The following ZER1 variants were observed in gnomAD, a reference collection of about 807,000 sequenced individuals.
ZER1 encodes protein zer-1 homolog.
A neutral mutation model predicts 78.8 loss-of-function variants in ZER1; 11 were observed. That is an observed-to-expected ratio of 0.14 (90% CI 0.09 to 0.23). The LOEUF (loss-of-function observed/expected upper bound fraction) is 0.23. Among genes scored for constraint, ZER1 ranks in the 10% least tolerant of loss-of-function variants. The pLI, the probability that ZER1 is intolerant of heterozygous loss-of-function variation, is 1.00. For missense variants in ZER1, 588 were observed against 996.9 expected, an observed-to-expected ratio of 0.59 and a Z score of 5.52; for synonymous variants, 400 against 407.0, an observed-to-expected ratio of 0.98 and a Z score of 0.21.
rs982330316 is a variant in ZER1, at chr9:128,753,715, C to T, written c.309+94G>A. ...GGGGGATGTGCACAGTCACGGTGCA[C>T]ACTGGCTGGGCTGGGGATGGCTGGG... is the stretch of plus-strand genomic sequence containing the variant. On this transcript the variant is annotated intron_variant, in intron 3 of 15. Coordinates refer to ENST00000291900, the MANE Select transcript of ZER1 (RefSeq NM_006336.4). The surrounding 1 kb of genome is among the most constrained non-coding windows in gnomAD (Gnocchi z 7.5). The T allele has an allele frequency of 3.2e-6, 5 of 1,559,942 alleles. No individual in the cohort carries two copies. The highest frequency in any genetic ancestry group is 1.9e-5 in the Admixed American group (1 of 53,800).
intron 14 of ZER1, among the ~76,000 whole-genome samples, chr9:128,734,046 T>C: frequency 9.4e-6 from 1 of 106,268 alleles, no homozygotes; most frequent in Non-Finnish European, 1.9e-5. Context: ...GAGAATGGCG[T>C]GAACCCGGGA....
chr9:128,760,816 A>C (rs1864017841), intron 1 of ZER1, among the ~76,000 whole-genome samples: 1 of 150,634 alleles, frequency 6.6e-6, no homozygotes, highest in Admixed American at 6.7e-5. Flanking sequence ...CCGTTTAAAA[A>C]AAAAAAAAGT....
intron 1 of ZER1, among the ~76,000 whole-genome samples, chr9:128,765,864 GA>G (rs1231437004): frequency 6.6e-6 from 1 of 152,228 alleles, no homozygotes; most frequent in East Asian, 1.9e-4. Flanking sequence ...TTAAATCTAT[GA>G]GTTGGGTTAT....
chr9:128,737,130 C>T (rs528595262), intron 13 of ZER1, among the ~76,000 whole-genome samples: 13 of 151,822 alleles, frequency 8.6e-5, no homozygotes, highest in African/African-American at 2.9e-4. Flanking sequence ...GGTGACAGTG[C>T]GAGACTCCGT....
intron 13 of ZER1, among the ~76,000 whole-genome samples, chr9:128,736,787 C>T (rs1420547146): frequency 6.6e-6 from 1 of 151,730 alleles, no homozygotes; most frequent in Non-Finnish European, 1.5e-5. Context: ...GTGTTCCTCC[C>T]ACCTCAGCCT....
chr9:128,733,537 T>C lies in ZER1; in HGVS notation c.2141-9A>G. On this transcript the variant is annotated splice_polypyrimidine_tract_variant and intron_variant, in intron 14 of 15. Transcript: ENST00000291900. ...AGGGCAGTACTTGTCCGCTGTGGGA[T>C]AGGAGCAGACAGCAGAGGATCAGGA... 1.9e-6 allele frequency: 3 copies of C among 1,611,202 alleles called. No homozygotes were observed. The highest frequency in any genetic ancestry group is 1.1e-5 in the South Asian group (1 of 90,506).
chr9:128,748,365 T>G (rs1242603246), intron 8 of ZER1, among the ~76,000 whole-genome samples: 21 of 147,796 alleles, frequency 1.4e-4, no homozygotes, highest in African/African-American at 5.3e-4. Context: ...TCGTGCCACT[T>G]AACTCCAGCC....
At chr9:128,738,053 AT>A in intron 13 of ZER1, among the ~76,000 whole-genome samples, 1 of 126,836 alleles carries the variant, frequency 7.9e-6, no homozygotes, top group Middle Eastern at 5.7e-3. Context: ...ATTTTTATTT[AT>A]TTATTTTTGA....
At chr9:128,772,092 C>A (rs1011845545), upstream of ZER1, among the ~76,000 whole-genome samples, 3 of 145,696 alleles carry the variant, frequency 2.1e-5, no homozygotes, top group Non-Finnish European at 4.4e-5. Flanking sequence ...CGCGGGATGC[C>A]CCCCCCAGGC....
intron 13 of ZER1, among the ~76,000 whole-genome samples, chr9:128,737,909 G>A (rs565970404): frequency 2.0e-5 from 3 of 151,564 alleles, no homozygotes; most frequent in Non-Finnish European, 4.4e-5. Context: ...CACTGTGTTG[G>A]CCAGGCTGGT....
chr9:128,737,893 G>A (rs539764819), intron 13 of ZER1, among the ~76,000 whole-genome samples: 1 of 151,700 alleles, frequency 6.6e-6, no homozygotes, highest in Admixed American at 6.6e-5. Flanking sequence ...AGCAGAGATG[G>A]GGTTTCACTG....
At chr9:128,761,207 C>T (rs1253810414) in intron 1 of ZER1, among the ~76,000 whole-genome samples, 1 of 151,702 alleles carries the variant, frequency 6.6e-6, no homozygotes, top group East Asian at 1.9e-4. Context: ...CTTCACAGGG[C>T]TGTGGTACTA....
At chr9:128,772,105 C>T (rs1864407713), upstream of ZER1, among the ~76,000 whole-genome samples, 2 of 152,228 alleles carry the variant, frequency 1.3e-5, no homozygotes, top group Admixed American at 6.5e-5. Flanking sequence ...CCCCAGGCCA[C>T]CCGAGAGAAC....
In ZER1 at chr9:128,753,078, C is replaced by G; in HGVS notation, c.746+86G>C. On this transcript the variant is annotated intron_variant, in intron 4 of 15. Coordinates refer to ENST00000291900, the MANE Select transcript of ZER1 (RefSeq NM_006336.4). This position sits in a 1 kb window ranked among gnomAD's most constrained non-coding sequence, Gnocchi z 7.5. ...CTCTGCCTAGCCAAGCGCTCCTGAA[C>G]CCTGAGGGCGTGACAACACCCACCT... is the stretch of plus-strand genomic sequence containing the variant. 7.3e-7 allele frequency: 1 copy of G among 1,376,560 alleles called. No individual in the cohort carries two copies. The allele number at this position is 1,376,560 out of a possible 1,614,324, so 85.3% of individuals were successfully genotyped here. A position where few individuals can be genotyped will look rare whatever the true frequency, so the allele number is the denominator to read the frequency against.
At position 128,741,565 on chromosome 9, in the gene ZER1, G is replaced by A. The variant is rs372057778; in HGVS notation, c.1707C>T (p.Asn569=). 4.3e-5 allele frequency: 70 copies of A among 1,614,084 alleles called. No individual in the cohort carries two copies. Among genetic ancestry groups the A allele is most frequent in the East Asian group, 6.7e-5 (3 of 44,892 alleles). The change falls in exon 11 of 16, where the codon AAC becomes AAT. Residue 569 remains asparagine, a synonymous_variant. Coordinates refer to ENST00000291900, the MANE Select transcript of ZER1 (RefSeq NM_006336.4). ...PDNCEMFLNF[N]GMKLFLDCLK... ...GGCAGTCCAGGAAGAGCTTCATGCCGTTGAAATTGAGGAACATCTCGCAGT... is the reference window on the plus strand; with the variant it reads ...GGCAGTCCAGGAAGAGCTTCATGCCATTGAAATTGAGGAACATCTCGCAGT...
chr9:128,748,890 T>TA (rs1428597125), intron 8 of ZER1, among the ~76,000 whole-genome samples: 1 of 147,652 alleles, frequency 6.8e-6, no homozygotes, highest in Non-Finnish European at 1.5e-5. Context: ...TATTTTTTAG[T>TA]AGAGATGGGG....
chr9:128,767,021 C>G (rs1864234815), intron 1 of ZER1, among the ~76,000 whole-genome samples: 1 of 151,270 alleles, frequency 6.6e-6, no homozygotes, highest in Admixed American at 6.6e-5. Flanking sequence ...CGGCTCACTG[C>G]AGCCTCTGCC....
chr9:128,731,294 C>A lies in ZER1; in HGVS notation c.*43G>T. 3.1e-6 allele frequency: 5 copies of A among 1,602,854 alleles called. No homozygotes were observed. The highest frequency in any genetic ancestry group is 4.3e-6 in the Non-Finnish European group (5 of 1,172,306). ...GGGCTGCTTGAGCATGCTTCCTCCC[C>A]GCCTGTGGTCCAGAGCGGTGGCGGC... On this transcript the variant is annotated 3_prime_UTR_variant, in exon 16 of 16. Transcript: ENST00000291900.
chr9:128,754,000 G>T lies in ZER1; in HGVS notation c.159-41C>A. ...GCCTGGCTCAGGAGAGGGCCACAGG[G>T]ACTCTCATCCTCGCTTCAAAGCCAA... On this transcript the variant is annotated intron_variant, in intron 2 of 15. Coordinates refer to ENST00000291900, the MANE Select transcript of ZER1 (RefSeq NM_006336.4). This position sits in a 1 kb window ranked among gnomAD's most constrained non-coding sequence, Gnocchi z 7.5. 6.4e-7 allele frequency: 1 copy of T among 1,557,234 alleles called. No individual in the cohort carries two copies.
Sources: allele counts gnomAD v4.1 joint callset (sites outside exome capture counted in the v4.1 genomes callset), GRCh38; gene constraint gnomAD v4.1.1; non-coding constraint Gnocchi (gnomAD v3.1); transcripts MANE v1.5; gene names NCBI Gene and HGNC (gene_info 2026-07-23, HGNC 2026-07-21).